Variants in MTCL2 observed in about 807,000 individuals in gnomAD.
MTCL2 encodes microtubule crosslinking factor 2.
the MTCL2 span, among the ~76,000 whole-genome samples, chr20:36,834,998 A>C: frequency 6.6e-6 from 1 of 152,106 alleles, no homozygotes; most frequent in Non-Finnish European, 1.5e-5. Context: ...CTGCCTTAAA[A>C]AAAAAAAGAA....
At chr20:36,812,390 A>T in the MTCL2 span, among the ~76,000 whole-genome samples, 1 of 152,202 alleles carries the variant, frequency 6.6e-6, no homozygotes, top group Non-Finnish European at 1.5e-5. Flanking sequence ...GGCTATAGAG[A>T]CTGCTGCCTT....
chr20:36,808,499 T>C, the MTCL2 span: 4 of 1,573,142 alleles, frequency 2.5e-6, no homozygotes, highest in Non-Finnish European at 3.5e-6. Flanking sequence ...TCCCAGTCCC[T>C]GGCCCAATCT....
the MTCL2 span, chr20:36,794,718 C>A: frequency 1.0e-4 from 133 of 1,310,462 alleles, no homozygotes; most frequent in Non-Finnish European, 1.4e-4. This position sits in a 1 kb window ranked among gnomAD's most constrained non-coding sequence, Gnocchi z 5.4. Flanking sequence ...GTCTTGTTCA[C>A]CTCTTGTAGA....
the MTCL2 span, chr20:36,828,968 G>A: frequency 1.8e-4 from 247 of 1,388,140 alleles, 1 homozygote; most frequent in African/African-American, 2.9e-3. Flanking sequence ...TCCCACAAGC[G>A]GGGGCTCACA....
chr20:36,812,765 G>T, the MTCL2 span: 24 of 1,613,806 alleles, frequency 1.5e-5, no homozygotes, highest in Non-Finnish European at 1.9e-5. Context: ...GCTGGGGTCG[G>T]GCTTAGAGTC....
chr20:36,836,650 A>G, the MTCL2 span, among the ~76,000 whole-genome samples: 44 of 151,972 alleles, frequency 2.9e-4, 1 homozygote, highest in South Asian at 7.5e-3. Context: ...AGCCTCTGCT[A>G]ATTTTTTTTA....
the MTCL2 span, chr20:36,797,537 A>G: frequency 6.4e-7 from 1 of 1,557,010 alleles, no homozygotes; most frequent in East Asian, 2.4e-5. Context: ...TCCAGCTCCG[A>G]GTGCTTCAGG....
At chr20:36,781,951 C>T in the MTCL2 span, 1 of 152,302 alleles carries the variant, frequency 6.6e-6, no homozygotes, top group Non-Finnish European at 1.5e-5. Context: ...GATTCTCCTG[C>T]CTCAGCCTCC....
chr20:36,802,996 C>A, the MTCL2 span: 1 of 1,595,866 alleles, frequency 6.3e-7, no homozygotes, highest in South Asian at 1.1e-5. Flanking sequence ...TCCATGACAG[C>A]GCTGTAGGAC....
At chr20:36,784,939 G>A in the MTCL2 span, 1 of 985,326 alleles carries the variant, frequency 1.0e-6, no homozygotes, top group Admixed American at 6.2e-5. Context: ...AACTTGGAGG[G>A]ATCTCCACAC....
At chr20:36,826,211 G>C in the MTCL2 span, among the ~76,000 whole-genome samples, 1 of 149,342 alleles carries the variant, frequency 6.7e-6, no homozygotes, top group Non-Finnish European at 1.5e-5. Flanking sequence ...GGGTTTCACC[G>C]TGTTAGCCAG....
At chr20:36,786,298 G>C in the MTCL2 span, 2 of 1,287,966 alleles carry the variant, frequency 1.6e-6, no homozygotes, top group Non-Finnish European at 2.0e-6. Context: ...CACCACCCAG[G>C]GGCCAGCAGG....
the MTCL2 span, among the ~76,000 whole-genome samples, chr20:36,798,849 T>C: frequency 1.3e-5 from 2 of 152,148 alleles, no homozygotes; most frequent in Admixed American, 6.6e-5. Flanking sequence ...AGTGTTTGCA[T>C]TGAAAGTCCC....
At chr20:36,798,876 A>G in the MTCL2 span, among the ~76,000 whole-genome samples, 1 of 152,132 alleles carries the variant, frequency 6.6e-6, no homozygotes, top group Admixed American at 6.6e-5. Flanking sequence ...CAGAACCCTC[A>G]GTTCTAAAAA....
the MTCL2 span, among the ~76,000 whole-genome samples, chr20:36,812,120 G>T: frequency 3.9e-5 from 6 of 152,214 alleles, no homozygotes; most frequent in Non-Finnish European, 7.3e-5. Flanking sequence ...AACACTGGTA[G>T]AACTGAGACT....
At chr20:36,855,199 G>A in the MTCL2 span, among the ~76,000 whole-genome samples, 16 of 152,312 alleles carry the variant, frequency 1.1e-4, no homozygotes, top group Admixed American at 8.5e-4. Context: ...TTTCTCTTAC[G>A]GAACCCTCAC....
At chr20:36,838,194 A>G in the MTCL2 span, among the ~76,000 whole-genome samples, 1 of 152,098 alleles carries the variant, frequency 6.6e-6, no homozygotes, top group South Asian at 2.1e-4. Context: ...GGGACTACAC[A>G]TGCCTGCCAC....
At chr20:36,831,464 G>A in the MTCL2 span, among the ~76,000 whole-genome samples, 21 of 152,310 alleles carry the variant, frequency 1.4e-4, no homozygotes, top group African/African-American at 2.2e-4. Context: ...TGCTGGTCTC[G>A]GAAATGACTG....
At chr20:36,785,246 C>T in the MTCL2 span, 15 of 985,266 alleles carry the variant, frequency 1.5e-5, no homozygotes, top group East Asian at 4.5e-4. Flanking sequence ...GGCTGCCAAG[C>T]GGCCTCGTCC....
Sources: gnomAD v4.1 joint callset for allele counts (sites outside exome capture counted in the v4.1 genomes callset) on GRCh38, gnomAD v4.1.1 for gene constraint, Gnocchi (gnomAD v3.1) non-coding constraint, MANE v1.5 for transcripts, NCBI Gene and HGNC (gene_info 2026-07-23, HGNC 2026-07-21) for gene names.